LMX1B: variants seen among roughly 807,000 people sequenced by gnomAD.
LMX1B encodes the protein LIM homeobox transcription factor 1-beta.
In LMX1B, 12 loss-of-function variants were observed where a neutral mutation model predicts 51.4. The ratio of observed to expected loss-of-function variants is 0.23; its 90% CI spans 0.15 to 0.38. The LOEUF (loss-of-function observed/expected upper bound fraction) is 0.38, where lower values mean the gene tolerates loss of function less well. Ranked by LOEUF, LMX1B falls within the 10% of genes least tolerant of loss-of-function variation. The pLI is 1.00. For synonymous variants in LMX1B, 237 were observed against 235.4 expected (o/e 1.01, Z -0.06); for missense variants, 445 against 571.1 (o/e 0.78, Z 2.25).
At position 126,618,199 on chromosome 9, in the gene LMX1B, T is replaced by TC. The variant is rs960098611; in HGVS notation, c.326+2636dup. Among the ~76,000 whole-genome samples the TC allele has an allele frequency of 2.6e-4, 40 of 152,010 alleles. No individual in the cohort carries two copies. The highest frequency in any genetic ancestry group is 9.2e-4 in the African/African-American group (38 of 41,444). Reference sequence around the variant, plus strand: ...GTCAGCGGTATTGAGAAATTAACAATCCCCCCACCAAACACAACTTCTGAA... The same window carrying TC: ...GTCAGCGGTATTGAGAAATTAACAATCCCCCCCACCAAACACAACTTCTGAA... On this transcript the variant is annotated intron_variant, in intron 2 of 7. Transcript: ENST00000373474. The surrounding 1 kb of genome is among the most constrained non-coding windows in gnomAD (Gnocchi z 4.5).
chr9:126,682,662 C>T (rs1836696944), intron 2 of LMX1B, among the ~76,000 whole-genome samples: 2 of 152,030 alleles, frequency 1.3e-5, no homozygotes, highest in Non-Finnish European at 2.9e-5. Flanking sequence ...TTTGAGAGCC[C>T]TAGGTGGGGG....
intron 2 of LMX1B, among the ~76,000 whole-genome samples, chr9:126,656,546 C>T (rs561076606): frequency 1.3e-5 from 2 of 152,132 alleles, no homozygotes; most frequent in Non-Finnish European, 2.9e-5. Flanking sequence ...GCCACTGTAC[C>T]GAGGAAGGAA....
At chr9:126,620,523 G>A (rs1036708065) in intron 2 of LMX1B, among the ~76,000 whole-genome samples, 1 of 152,172 alleles carries the variant, frequency 6.6e-6, no homozygotes, top group Non-Finnish European at 1.5e-5. Context: ...CTGATTGTGT[G>A]GGTGCGCACA....
In LMX1B at chr9:126,650,643, C is replaced by G. The variant is rs565232214; in HGVS notation, c.326+35074C>G. Among the ~76,000 whole-genome samples the G allele has an allele frequency of 6.6e-3, 1,003 of 152,326 alleles. 15 individuals carry two copies. The highest frequency in any genetic ancestry group is 0.023 in the African/African-American group (954 of 41,574). On this transcript the variant is annotated intron_variant, in intron 2 of 7. Transcript: ENST00000373474. ...CTGGTGGCCCCCTCGCTCCTGGCCT[C>G]TCGGCACTGCCCACCACTCAGGCCA...
At chr9:126,688,532 G>T (rs536211688) in intron 2 of LMX1B, among the ~76,000 whole-genome samples, 61 of 152,338 alleles carry the variant, frequency 4.0e-4, no homozygotes, top group African/African-American at 1.3e-3. Flanking sequence ...GGGCAGTAGG[G>T]GTTGGGGGAG....
intron 2 of LMX1B, among the ~76,000 whole-genome samples, chr9:126,669,720 CAT>C (rs1472982122): frequency 1.1e-4 from 16 of 152,102 alleles, no homozygotes; most frequent in East Asian, 1.9e-4. Flanking sequence ...CTGGTCACCT[CAT>C]GTGTGCACAT....
intron 2 of LMX1B, among the ~76,000 whole-genome samples, chr9:126,682,911 A>C (rs1040066601): frequency 2.7e-5 from 4 of 150,578 alleles, no homozygotes; most frequent in Non-Finnish European, 4.4e-5. Context: ...AAAAAAAAAA[A>C]AAAAGAAAGA....
chr9:126,644,934 C>T (rs532430321), intron 2 of LMX1B, among the ~76,000 whole-genome samples: 13 of 152,174 alleles, frequency 8.5e-5, no homozygotes, highest in Non-Finnish European at 1.8e-4. Context: ...CTGACAAGGA[C>T]GGAGGGCCTG....
intron 2 of LMX1B, among the ~76,000 whole-genome samples, chr9:126,637,224 C>T (rs1245572496): frequency 6.6e-6 from 1 of 152,232 alleles, no homozygotes; most frequent in African/African-American, 2.4e-5. Flanking sequence ...GGCTCAGCTC[C>T]TCCTTGGGGA....
At position 126,634,342 on chromosome 9, in the gene LMX1B, C is replaced by T. The variant is rs988309720; in HGVS notation, c.326+18773C>T. Among the ~76,000 whole-genome samples, 8 of 152,272 alleles carry T rather than the reference C, an allele frequency of 5.3e-5. No homozygotes were observed. The East Asian group carries it at 1.4e-3, about 26-fold the overall frequency. ...GGCCTCACCGGGCAGGTCTCTGAAG[C>T]CAGCGTCAGTTTCATACAGGCATTC... On this transcript the variant is annotated intron_variant, in intron 2 of 7. Coordinates refer to ENST00000373474, the MANE Select transcript of LMX1B (RefSeq NM_001174147.2).
chr9:126,649,116 C>T (rs1269698388), intron 2 of LMX1B, among the ~76,000 whole-genome samples: 1 of 152,066 alleles, frequency 6.6e-6, no homozygotes, highest in African/African-American at 2.4e-5. Context: ...ACAGGCTGAC[C>T]ATTTGACCCC....
intron 2 of LMX1B, among the ~76,000 whole-genome samples, chr9:126,622,190 C>T (rs1017384005): frequency 6.6e-6 from 1 of 152,106 alleles, no homozygotes; most frequent in African/African-American, 2.4e-5. Flanking sequence ...GGACGAATGT[C>T]CTGGCTGATG....
rs545589512 is a variant in LMX1B, at chr9:126,675,981, G to A, written c.327-14855G>A. ...GGAGAATGGCGTGAACCCGGGAGGC[G>A]GAGCTTGCAGTGAGCCGAGATCGCG... On this transcript the variant is annotated intron_variant, in intron 2 of 7. Coordinates refer to ENST00000373474, the MANE Select transcript of LMX1B (RefSeq NM_001174147.2). Among the ~76,000 whole-genome samples the A allele has an allele frequency of 3.4e-5, 5 of 147,880 alleles. No homozygotes were observed. The East Asian group carries it at 1.0e-3, about 30-fold the overall frequency.
At chr9:126,681,277 T>C (rs1037921990) in intron 2 of LMX1B, among the ~76,000 whole-genome samples, 1 of 152,200 alleles carries the variant, frequency 6.6e-6, no homozygotes, top group Non-Finnish European at 1.5e-5. Context: ...CAGCTGACCC[T>C]GGACCTATCT....
At position 126,690,839 on chromosome 9, in the gene LMX1B, C is replaced by G. The variant is rs2030093640; in HGVS notation, c.330C>G (p.Leu110=). 12 of 1,608,826 alleles carry G rather than the reference C, an allele frequency of 7.5e-6. No individual in the cohort carries two copies. Among genetic ancestry groups the G allele is most frequent in the Non-Finnish European group, 9.3e-6 (11 of 1,178,828 alleles). ...CGCCCGCTTTGTGCATCCGCAGGCT[C>G]TTCGCGGCCAAGTGCAGCGGCTGCA... The part of the protein sequence containing the change: ...KLYCKQDYQQ[L]FAAKCSGCME... The change falls in exon 3 of 8, where the codon CTC becomes CTG. Residue 110 remains leucine (L), a synonymous_variant. Transcript: ENST00000373474.
intron 2 of LMX1B, among the ~76,000 whole-genome samples, chr9:126,646,234 G>T (rs10819190): frequency 1.3e-5 from 2 of 151,974 alleles, no homozygotes; most frequent in Admixed American, 6.5e-5. Flanking sequence ...GGAAGTCTGC[G>T]TATCTAAAAA....
At chr9:126,661,317 T>TCTCA (rs1836241338) in intron 2 of LMX1B, among the ~76,000 whole-genome samples, 3 of 121,566 alleles carry the variant, frequency 2.5e-5, no homozygotes, top group Non-Finnish European at 1.9e-5. Flanking sequence ...GCCTCATGCC[T>TCTCA]GGCCCCCTTC....
chr9:126,698,081 G>C lies in LMX1B; in HGVS notation c.*1630G>C, dbSNP rs1373803137. 1 of 151,972 alleles carries C rather than the reference G, an allele frequency of 6.6e-6. No individual in the cohort carries two copies. Among genetic ancestry groups the C allele is most frequent in the African/African-American group, 2.4e-5 (1 of 41,414 alleles). The allele number at this position is 151,972 out of a possible 1,614,324, so 9.4% of individuals were successfully genotyped here. On this transcript the variant is annotated 3_prime_UTR_variant, in exon 8 of 8. Transcript: ENST00000373474. ...GTAGCAACGGGGTTTCTCCATGTTG[G>C]TCAGGCTGGTCTCCAACCCCCGACC...
At chr9:126,642,677 A>G (rs1006188935) in intron 2 of LMX1B, among the ~76,000 whole-genome samples, 2 of 152,160 alleles carry the variant, frequency 1.3e-5, no homozygotes, top group Non-Finnish European at 2.9e-5. Flanking sequence ...TAATATAGAC[A>G]CTGGGGAGGG....
Sources: gnomAD v4.1 joint callset for allele counts (sites outside exome capture counted in the v4.1 genomes callset) on GRCh38, gnomAD v4.1.1 for gene constraint, Gnocchi (gnomAD v3.1) non-coding constraint, MANE v1.5 for transcripts, NCBI Gene and HGNC (gene_info 2026-07-23, HGNC 2026-07-21) for gene names.